Variants in GRK1 observed in about 807,000 individuals in gnomAD.
GRK1 encodes the protein rhodopsin kinase GRK1.
GRK1 carries 28 observed loss-of-function variants against 41.7 expected under a neutral mutation model. The observed-to-expected ratio is 0.67, with a 90% confidence interval of 0.50 to 0.92. The LOEUF (loss-of-function observed/expected upper bound fraction) is 0.92, where lower values mean the gene tolerates loss of function less well. Among genes scored for constraint, GRK1 ranks in the 40% least tolerant of loss-of-function variants. The pLI, the probability that GRK1 is intolerant of heterozygous loss-of-function variation, is 0.00. For missense variants in GRK1, 703 were observed against 671.2 expected (o/e 1.05, Z -0.52); for synonymous variants, 327 against 286.7 (o/e 1.14, Z -1.42).
At chr13:113,728,020 T>G (rs1465383825) in intron 4 of GRK1, among the ~76,000 whole-genome samples, 1 of 54,464 alleles carries the variant, frequency 1.8e-5, no homozygotes, top group African/African-American at 9.6e-5. Flanking sequence ...CGATGAGGAG[T>G]ACCCATGGCG....
chr13:113,733,843 G>A (rs1246573359), intron 6 of GRK1, among the ~76,000 whole-genome samples: 2 of 122,330 alleles, frequency 1.6e-5, no homozygotes, highest in East Asian at 2.3e-4. Flanking sequence ...ACGTGCGTGT[G>A]CATGTGTATG....
chr13:113,667,638 G>A lies in GRK1; in HGVS notation c.252G>A (p.Pro84=), dbSNP rs556692103. Residue 84 remains proline (P), a synonymous_variant, in exon 1 of 7, where the codon CCG becomes CCA. Coordinates refer to ENST00000335678, the MANE Select transcript of GRK1 (RefSeq NM_002929.3). This position sits in a 1 kb window ranked among gnomAD's most constrained non-coding sequence, Gnocchi z 7.5. ...TACAATCGGCAGAGAAGCACCTGCCGGCCCTGGAGCTCTGGAAAGACATCG... is the reference window on the plus strand; with the variant it reads ...TACAATCGGCAGAGAAGCACCTGCCAGCCCTGGAGCTCTGGAAAGACATCG... The part of the protein sequence containing the change: ...QFLQSAEKHL[P]ALELWKDIED... 8.7e-6 allele frequency: 14 copies of A among 1,613,546 alleles called. No homozygotes were observed. The highest frequency in any genetic ancestry group is 4.0e-5 in the African/African-American group (3 of 75,054).
upstream of GRK1, among the ~76,000 whole-genome samples, chr13:113,662,253 T>C (rs2049795226): frequency 6.6e-6 from 1 of 152,208 alleles, no homozygotes; most frequent in East Asian, 1.9e-4. Flanking sequence ...AAGCATTTGA[T>C]GAAATTCAGC....
At chr13:113,656,099 G>A in the GRK1 span, among the ~76,000 whole-genome samples, 3 of 152,330 alleles carry the variant, frequency 2.0e-5, no homozygotes, top group South Asian at 4.1e-4. Flanking sequence ...TTCAGCCTCC[G>A]GTTTTGAGTT....
At chr13:113,653,454 T>TG in the GRK1 span, 1 of 1,598,698 alleles carries the variant, frequency 6.3e-7, no homozygotes, top group Non-Finnish European at 8.6e-7. Context: ...GAGACCTTTG[T>TG]GCTTAGCGTC....
chr13:113,655,007 C>T, the GRK1 span: 1 of 1,595,640 alleles, frequency 6.3e-7, no homozygotes. Context: ...ATTCGGTGGC[C>T]TTGAGCGCGT....
At chr13:113,664,433 A>G (rs962487840), upstream of GRK1, among the ~76,000 whole-genome samples, 3 of 152,206 alleles carry the variant, frequency 2.0e-5, no homozygotes, top group Non-Finnish European at 2.9e-5. This position sits in a 1 kb window ranked among gnomAD's most constrained non-coding sequence, Gnocchi z 5.4. Flanking sequence ...AGTTTAATTA[A>G]AAAGGGATTT....
rs1243185918 is a variant in GRK1 at position 113,736,004 on chromosome 13, T to TGGTCCAC, written c.*642_*648dup. On this transcript the variant is annotated 3_prime_UTR_variant, in exon 7 of 7. Transcript: ENST00000335678. ...TGGTCCCCTGCACTCCGGGGTGCCA[T>TGGTCCAC]GGTCCACATCTGCCAGGCGCAGGCT... The TGGTCCAC allele has an allele frequency of 3.9e-5, 6 of 152,472 alleles. No homozygotes were observed. Among genetic ancestry groups the TGGTCCAC allele is most frequent in the Admixed American group, 3.9e-4 (6 of 15,304 alleles). The allele number at this position is 152,472 out of a possible 1,614,324, so 9.4% of individuals were successfully genotyped here.
chr13:113,728,130 G>A (rs1233663414), intron 4 of GRK1, among the ~76,000 whole-genome samples: 12 of 113,292 alleles, frequency 1.1e-4, no homozygotes, highest in African/African-American at 3.9e-4. Context: ...GCGATGAGGA[G>A]TACCCATGGC....
chr13:113,659,951 T>C, the GRK1 span, among the ~76,000 whole-genome samples: 17 of 152,192 alleles, frequency 1.1e-4, no homozygotes, highest in Admixed American at 1.1e-3. Flanking sequence ...GAACAAAGTA[T>C]GAATTATTTC....
chr13:113,657,466 A>G, the GRK1 span, among the ~76,000 whole-genome samples: 2 of 152,210 alleles, frequency 1.3e-5, no homozygotes, highest in African/African-American at 4.8e-5. Context: ...CTTTCCTCCC[A>G]GGAGGGCCAG....
intron 4 of GRK1, 128 bp downstream of exon 4, chr13:113,723,285 C>T: frequency 2.0e-5 from 10 of 507,486 alleles, no homozygotes; most frequent in South Asian, 1.9e-4. Context: ...TGCACATGGG[C>T]GTCTGTGTGG....
the GRK1 span, chr13:113,655,071 C>G: frequency 7.7e-7 from 1 of 1,297,812 alleles, no homozygotes; most frequent in African/African-American, 1.5e-5. Context: ...TTCTCCTCCC[C>G]CAAAACAGAA....
At chr13:113,723,943 T>C (rs1393150469) in intron 4 of GRK1, among the ~76,000 whole-genome samples, 5 of 152,064 alleles carry the variant, frequency 3.3e-5, no homozygotes, top group African/African-American at 1.2e-4. Flanking sequence ...TGTATCCGTG[T>C]GCCTGTGTCT....
the GRK1 span, among the ~76,000 whole-genome samples, chr13:113,656,166 A>C: frequency 2.0e-5 from 3 of 152,070 alleles, no homozygotes; most frequent in Admixed American, 2.0e-4. Context: ...CTGTCACTGG[A>C]TCACGCCTGG....
At chr13:113,653,416 T>A in the GRK1 span, 1 of 1,614,114 alleles carries the variant, frequency 6.2e-7, no homozygotes, top group East Asian at 2.2e-5. Flanking sequence ...CCCGTAAACA[T>A]CCGGCCTTAA....
Position 113,735,300 on chromosome 13 carries a change from C to T in GRK1, c.1629C>T (p.Asp543=). Reference sequence around the variant, plus strand: ...GCTCGGACGGTCAGATGCCGGACGACATGAAGGGCATCTCCGGGGGCTCCA... The same window carrying T: ...GCTCGGACGGTCAGATGCCGGACGATATGAAGGGCATCTCCGGGGGCTCCA... ...VWRSDGQMPD[D]MKGISGGSSS... is the part of the protein sequence containing the mutation. Residue 543 remains aspartate, a synonymous_variant, in exon 7 of 7, where the codon GAC becomes GAT. Transcript: ENST00000335678. The T allele has an allele frequency of 6.5e-7, 1 of 1,533,554 alleles. No individual in the cohort carries two copies. Among genetic ancestry groups the T allele is most frequent in the Non-Finnish European group, 8.7e-7 (1 of 1,144,194 alleles). The allele number at this position is 1,533,554 out of a possible 1,614,324, so 95.0% of individuals were successfully genotyped here. A position where few individuals can be genotyped will look rare whatever the true frequency, so the allele number is the denominator to read the frequency against.
rs1481974213 is a variant in GRK1, at chr13:113,736,536, C to G, written c.*1173C>G. On this transcript the variant is annotated 3_prime_UTR_variant, in exon 7 of 7. Coordinates refer to ENST00000335678, the MANE Select transcript of GRK1 (RefSeq NM_002929.3). ...GAAGTTAGTTCTGTTGCAACTGCCT[C>G]CAGGACACACTCCCTCTTGAGGGCC... 6.6e-6 allele frequency: 1 copy of G among 152,234 alleles called. No homozygotes were observed. The highest frequency in any genetic ancestry group is 2.4e-5 in the African/African-American group (1 of 41,454). 9.4% of individuals were successfully genotyped at this position (152,234 alleles called of 1,614,324 possible).
chr13:113,649,624 T>G, the GRK1 span: 1 of 1,402,580 alleles, frequency 7.1e-7, no homozygotes. The surrounding 1 kb of genome is among the most constrained non-coding windows in gnomAD (Gnocchi z 4.7). Context: ...AACAGTCAGG[T>G]TGGTGCAGAG....
Sources: allele counts gnomAD v4.1 joint callset (sites outside exome capture counted in the v4.1 genomes callset), GRCh38; gene constraint gnomAD v4.1.1; non-coding constraint Gnocchi (gnomAD v3.1); transcripts MANE v1.5; gene names NCBI Gene and HGNC (gene_info 2026-07-23, HGNC 2026-07-21).